BAALC: variants seen among roughly 807,000 people sequenced by gnomAD.
The protein encoded by BAALC is brain and acute leukemia cytoplasmic protein.
In BAALC, 9 loss-of-function variants were observed where a neutral mutation model predicts 15.5. That is an observed-to-expected ratio of 0.58 (90% confidence interval 0.35 to 1.02). The LOEUF (loss-of-function observed/expected upper bound fraction) is 1.02. BAALC is among the 50% of genes least tolerant of loss of function. The probability of loss-of-function intolerance (pLI) is 0.02; values close to 1 mark genes in which losing one functional copy is unlikely to be tolerated. For synonymous variants in BAALC, 80 were observed against 74.6 expected, an observed-to-expected ratio of 1.07 and a Z score of -0.37; for missense variants, 201 against 192.4, an observed-to-expected ratio of 1.04 and a Z score of -0.27.
chr8:103,192,351 C>T (rs1159076122), intron 1 of BAALC, among the ~76,000 whole-genome samples: 7 of 152,368 alleles, frequency 4.6e-5, no homozygotes, highest in Admixed American at 2.0e-4. Context: ...CGCACCCGGC[C>T]AACTACTTAA....
intron 2 of BAALC, chr8:103,213,299 T>C: frequency 1.9e-6 from 1 of 533,808 alleles, no homozygotes; most frequent in Non-Finnish European, 3.3e-6. Flanking sequence ...ATGTGTATGT[T>C]TGCTTAAGTA....
At chr8:103,164,901 C>G (rs1215865290) in intron 1 of BAALC, among the ~76,000 whole-genome samples, 1 of 152,148 alleles carries the variant, frequency 6.6e-6, no homozygotes, top group Admixed American at 6.5e-5. Context: ...TTCTTGGAGT[C>G]AGGAATTGGG....
At chr8:103,152,743 T>C (rs1383778028) in intron 1 of BAALC, among the ~76,000 whole-genome samples, 1 of 152,126 alleles carries the variant, frequency 6.6e-6, no homozygotes, top group Non-Finnish European at 1.5e-5. Context: ...CCATGGAAGG[T>C]CTGCACAGAG....
intron 1 of BAALC, among the ~76,000 whole-genome samples, chr8:103,207,257 T>C (rs1812351161): frequency 6.6e-6 from 1 of 152,164 alleles, no homozygotes; most frequent in Admixed American, 6.5e-5. Context: ...ATTAATAAGA[T>C]AAAAGCAAAC....
At chr8:103,201,535 C>G (rs151098757) in intron 1 of BAALC, among the ~76,000 whole-genome samples, 2 of 152,232 alleles carry the variant, frequency 1.3e-5, no homozygotes, top group African/African-American at 4.8e-5. Context: ...ATGTTCTCCA[C>G]TTTGCCTTGT....
intron 1 of BAALC, among the ~76,000 whole-genome samples, chr8:103,150,450 C>G (rs1229116924): frequency 6.6e-6 from 1 of 152,022 alleles, no homozygotes; most frequent in Non-Finnish European, 1.5e-5. Flanking sequence ...GACAGGTTGG[C>G]TGCCCAGAGC....
chr8:103,141,670 C>T (rs1810782199), intron 1 of BAALC, among the ~76,000 whole-genome samples: 1 of 152,232 alleles, frequency 6.6e-6, no homozygotes. Flanking sequence ...TAGTTCTGCA[C>T]TTTAGGTTAC....
At chr8:103,157,390 T>C (rs1023044492) in intron 1 of BAALC, among the ~76,000 whole-genome samples, 1 of 152,122 alleles carries the variant, frequency 6.6e-6, no homozygotes, top group African/African-American at 2.4e-5. Flanking sequence ...GCATTGCAAA[T>C]CTTGTTTCAT....
intron 1 of BAALC, among the ~76,000 whole-genome samples, chr8:103,189,814 T>C (rs576830961): frequency 7.2e-5 from 11 of 152,290 alleles, no homozygotes; most frequent in Admixed American, 6.5e-4. Context: ...CAGAGGTGTT[T>C]GGACCAGATG....
intron 2 of BAALC, among the ~76,000 whole-genome samples, chr8:103,220,666 G>A (rs906561854): frequency 2.0e-4 from 31 of 152,158 alleles, no homozygotes; most frequent in Admixed American, 6.5e-4. Context: ...AGGAAGTAAA[G>A]AACATAGGGA....
chr8:103,162,597 A>G (rs1227984191), intron 1 of BAALC, among the ~76,000 whole-genome samples: 3 of 152,130 alleles, frequency 2.0e-5, no homozygotes, highest in Non-Finnish European at 2.9e-5. Flanking sequence ...TAGAAGCTGC[A>G]TTGCCTTTTA....
At chr8:103,147,425 C>T (rs1410337139) in intron 1 of BAALC, among the ~76,000 whole-genome samples, 1 of 152,076 alleles carries the variant, frequency 6.6e-6, no homozygotes, top group Admixed American at 6.5e-5. Flanking sequence ...TTGTATGTAA[C>T]TCAAAGGATA....
chr8:103,179,111 G>T lies in BAALC; in HGVS notation c.161-33808G>T, dbSNP rs987244078. ...AAAAGAAACTCATCATGCATGATCAGTTCTCAGAATTGTAAACTGTTTGGC... is the reference window on the plus strand; with the variant it reads ...AAAAGAAACTCATCATGCATGATCATTTCTCAGAATTGTAAACTGTTTGGC... On this transcript the variant is annotated intron_variant, in intron 1 of 2. Transcript: ENST00000309982. Among the ~76,000 whole-genome samples the T allele has an allele frequency of 2.4e-4, 36 of 152,302 alleles. No individual in the cohort carries two copies. The South Asian group carries it at 6.8e-3, about 29-fold the overall frequency.
intron 1 of BAALC, among the ~76,000 whole-genome samples, chr8:103,143,068 C>G (rs1490051945): frequency 6.6e-6 from 1 of 152,200 alleles, no homozygotes; most frequent in African/African-American, 2.4e-5. Context: ...AGGGATATTT[C>G]TGAAGACCAA....
intron 1 of BAALC, among the ~76,000 whole-genome samples, chr8:103,189,303 G>A (rs1211465976): frequency 1.3e-5 from 2 of 152,178 alleles, no homozygotes; most frequent in Admixed American, 6.5e-5. Flanking sequence ...ATTTAACAGT[G>A]TAACATGAAT....
chr8:103,218,801 C>G (rs1812616788), intron 2 of BAALC, among the ~76,000 whole-genome samples: 2 of 152,292 alleles, frequency 1.3e-5, no homozygotes, highest in South Asian at 4.1e-4. Flanking sequence ...CTCCTCCTGT[C>G]CCCTCCCCCA....
chr8:103,213,048 C>T lies in BAALC; in HGVS notation c.290C>T (p.Pro97Leu). ...CPNPQSLSSG[P>L]LTQKQNGLQT... ...AATCCCCAGAGCCTCAGCTCAGGCC[C>T]TCTGACCCAGAAACAGAATGGCCTT... Residue 97 changes from proline (P) to leucine (L), a missense_variant, in exon 2 of 3, where the codon CCT becomes CTT. Coordinates refer to ENST00000309982, the MANE Select transcript of BAALC (RefSeq NM_024812.3). The T allele has an allele frequency of 1.2e-6, 2 of 1,614,132 alleles. No homozygotes were observed. The highest frequency in any genetic ancestry group is 8.5e-7 in the Non-Finnish European group (1 of 1,179,996).
intron 2 of BAALC, among the ~76,000 whole-genome samples, chr8:103,222,037 G>T (rs1002661495): frequency 1.3e-4 from 20 of 152,150 alleles, no homozygotes. Context: ...GGTGGCGGGT[G>T]GGGGGCTTCC....
At chr8:103,143,269 T>C (rs995979725) in intron 1 of BAALC, among the ~76,000 whole-genome samples, 6 of 152,094 alleles carry the variant, frequency 3.9e-5, no homozygotes, top group Non-Finnish European at 1.5e-5. Flanking sequence ...TCCTTTCATC[T>C]TCTCTGCCCC....
Sources: gnomAD v4.1 joint callset for allele counts (sites outside exome capture counted in the v4.1 genomes callset) on GRCh38, gnomAD v4.1.1 for gene constraint, MANE v1.5 for transcripts, NCBI Gene and HGNC (gene_info 2026-07-23, HGNC 2026-07-21) for gene names.